Variants in ITPR2 observed in about 807,000 individuals in gnomAD.
The protein encoded by ITPR2 is inositol 1,4,5-trisphosphate receptor type 2, also known as inositol 1,4,5-trisphosphate-gated calcium channel ITPR2.
ITPR2 carries 207 observed loss-of-function variants against 317.1 expected under a neutral mutation model. The observed-to-expected ratio is 0.65, with a 90% confidence interval of 0.58 to 0.73. ITPR2 has a LOEUF of 0.73. ITPR2 is among the 30% of genes least tolerant of loss of function. ITPR2 has a pLI of 0.00. For missense variants in ITPR2, 2,613 were observed against 3,284.0 expected (o/e 0.80, Z 4.99); for synonymous variants, 1,156 against 1,149.1 (o/e 1.01, Z -0.12).
intron 37 of ITPR2, among the ~76,000 whole-genome samples, chr12:26,506,020 AT>A (rs1199508500): frequency 6.6e-6 from 1 of 151,880 alleles, no homozygotes; most frequent in Non-Finnish European, 1.5e-5. Flanking sequence ...ATATTCAAAT[AT>A]TTAGCATAGT....
At chr12:26,554,656 G>T (rs1283662394) in intron 36 of ITPR2, among the ~76,000 whole-genome samples, 1 of 152,130 alleles carries the variant, frequency 6.6e-6, no homozygotes, top group Non-Finnish European at 1.5e-5. Context: ...TATAGCTATT[G>T]TATTATGTTA....
Position 26,439,127 on chromosome 12 carries a change from T to C in ITPR2, c.6643A>G (p.Asn2215Asp). 1 of 1,598,600 alleles carries C rather than the reference T, an allele frequency of 6.3e-7. No individual in the cohort carries two copies. Among genetic ancestry groups the C allele is most frequent in the Non-Finnish European group, 8.6e-7 (1 of 1,169,458 alleles). ...AACCATTTCAGTTTACTGTACTTAC[T>C]CCTGATTTTCTTCTGCCACTTCATT... is the stretch of plus-strand genomic sequence containing the variant. ...NEMKWQKKIR[N>D]NPALFWFSRH... The change falls in exon 47 of 57, where the codon AAT (asparagine) becomes GAT (aspartate). Residue 2215 changes from asparagine (N) to aspartate (D), a missense_variant and splice_region_variant. Transcript: ENST00000381340.
chr12:26,777,378 C>T (rs1592118892), intron 2 of ITPR2, among the ~76,000 whole-genome samples: 2 of 152,330 alleles, frequency 1.3e-5, no homozygotes, highest in East Asian at 1.9e-4. Flanking sequence ...TCTGTAACTG[C>T]TCTTCTCTGT....
intron 37 of ITPR2, among the ~76,000 whole-genome samples, chr12:26,531,227 A>C (rs1267468536): frequency 6.6e-6 from 1 of 152,244 alleles, no homozygotes; most frequent in Non-Finnish European, 1.5e-5. Context: ...GGCAGTGAGA[A>C]GTACAAACAC....
chr12:26,434,136 C>T (rs1188866570), intron 48 of ITPR2, among the ~76,000 whole-genome samples: 2 of 151,966 alleles, frequency 1.3e-5, no homozygotes. Flanking sequence ...TCCGTTATTT[C>T]AAGTCCTTTT....
At chr12:26,799,283 TA>T (rs1950513732) in intron 1 of ITPR2, among the ~76,000 whole-genome samples, 2 of 152,210 alleles carry the variant, frequency 1.3e-5, no homozygotes, top group Admixed American at 1.3e-4. Flanking sequence ...GAAGTACTAC[TA>T]AAAATACTGG....
chr12:26,561,894 GA>G lies in ITPR2; in HGVS notation c.4688del (p.Phe1563SerfsTer2), dbSNP rs773712828. 1.3e-6 allele frequency: 2 copies of G among 1,580,996 alleles called. No homozygotes were observed. Among genetic ancestry groups the G allele is most frequent in the Admixed American group, 2.0e-5 (1 of 50,384 alleles). On this transcript the variant is annotated frameshift_variant, in exon 35 of 57. Coordinates refer to ENST00000381340, the MANE Select transcript of ITPR2 (RefSeq NM_002223.4). LOFTEE classifies it high-confidence loss of function. ...VDLDSQVNTL[F>X]MKSHSNMVQR... ...GCACCATATTTGAATGGCTCTTCATGAAAAGAGTATTAACTTGGCTGTCCAA... is the reference window on the plus strand; with the variant it reads ...GCACCATATTTGAATGGCTCTTCATGAAAGAGTATTAACTTGGCTGTCCAA...
At chr12:26,744,462 G>A (rs978404742) in intron 2 of ITPR2, among the ~76,000 whole-genome samples, 6 of 152,300 alleles carry the variant, frequency 3.9e-5, no homozygotes, top group South Asian at 2.1e-4. Flanking sequence ...GGCCTGCCCT[G>A]GCACTGCAAA....
chr12:26,647,186 G>A (rs1947132695), intron 21 of ITPR2, among the ~76,000 whole-genome samples: 1 of 152,210 alleles, frequency 6.6e-6, no homozygotes, highest in Non-Finnish European at 1.5e-5. Flanking sequence ...GCACAGATAG[G>A]TAGAAGGATA....
chr12:26,427,264 T>C (rs1392910416), intron 49 of ITPR2, among the ~76,000 whole-genome samples: 1 of 152,182 alleles, frequency 6.6e-6, no homozygotes, highest in Non-Finnish European at 1.5e-5. Flanking sequence ...AATATCTCTG[T>C]ATGGCTGTGC....
intron 15 of ITPR2, among the ~76,000 whole-genome samples, chr12:26,660,530 G>A (rs1052505129): frequency 1.9e-4 from 29 of 152,136 alleles, no homozygotes; most frequent in Non-Finnish European, 3.7e-4. Context: ...ATTAGAAAGT[G>A]GTTTTGCCTT....
chr12:26,734,378 C>G (rs1949080463), intron 2 of ITPR2, among the ~76,000 whole-genome samples: 1 of 152,084 alleles, frequency 6.6e-6, no homozygotes, highest in South Asian at 2.1e-4. Context: ...AGATTCCTTG[C>G]TGAAATTATC....
intron 2 of ITPR2, among the ~76,000 whole-genome samples, chr12:26,759,014 A>G (rs897593240): frequency 1.3e-5 from 2 of 152,222 alleles, no homozygotes; most frequent in African/African-American, 4.8e-5. Flanking sequence ...TTGCACCAGG[A>G]AAGCAGAAAC....
chr12:26,523,887 A>G (rs186393063), intron 37 of ITPR2, among the ~76,000 whole-genome samples: 4 of 152,348 alleles, frequency 2.6e-5, no homozygotes, highest in Non-Finnish European at 5.9e-5. Context: ...TGCAGGCGTT[A>G]CATAATCACA....
intron 11 of ITPR2, among the ~76,000 whole-genome samples, chr12:26,683,776 G>T (rs1178780457): frequency 6.6e-6 from 1 of 152,174 alleles, no homozygotes; most frequent in African/African-American, 2.4e-5. Flanking sequence ...AGGACACCTA[G>T]AACTTCATCC....
At chr12:26,568,031 T>A (rs1174828102) in intron 34 of ITPR2, among the ~76,000 whole-genome samples, 15 of 129,904 alleles carry the variant, frequency 1.2e-4, no homozygotes, top group African/African-American at 2.7e-4. Context: ...TATATATATA[T>A]AAAATGTCAA....
At chr12:26,344,957 T>C (rs775908135) in intron 55 of ITPR2, among the ~76,000 whole-genome samples, 11 of 152,176 alleles carry the variant, frequency 7.2e-5, no homozygotes, top group Non-Finnish European at 1.5e-4. Flanking sequence ...ACTCCTTGTA[T>C]CTGTCTGTGT....
chr12:26,498,822 C>A (rs528288226), intron 37 of ITPR2, among the ~76,000 whole-genome samples: 8 of 152,094 alleles, frequency 5.3e-5, no homozygotes, highest in Non-Finnish European at 1.2e-4. Flanking sequence ...TCTGCAAGAA[C>A]CTTTTATGTA....
intron 2 of ITPR2, among the ~76,000 whole-genome samples, chr12:26,782,035 TATAGAG>T (rs1257608648): frequency 2.0e-4 from 2 of 9,902 alleles, no homozygotes; most frequent in African/African-American, 7.2e-4. Context: ...TATATATATG[TATAGAG>T]AGAGAGAGAG....
Sources: gnomAD v4.1 joint callset for allele counts (sites outside exome capture counted in the v4.1 genomes callset) on GRCh38, gnomAD v4.1.1 for gene constraint, MANE v1.5 for transcripts, NCBI Gene and HGNC (gene_info 2026-07-23, HGNC 2026-07-21) for gene names.